MOXD1: variants seen among roughly 807,000 people sequenced by gnomAD.
MOXD1 encodes the protein monooxygenase DBH like 1.
In MOXD1, 62 loss-of-function variants were observed where a neutral mutation model predicts 66.6. The observed-to-expected ratio is 0.93, with a 90% CI of 0.76 to 1.15. The LOEUF is 1.15. Among genes scored for constraint, MOXD1 ranks in the 50% most tolerant of loss-of-function variants. The probability of loss-of-function intolerance (pLI) is 0.00; values close to 1 mark genes in which losing one functional copy is unlikely to be tolerated. For synonymous variants in MOXD1, 303 were observed against 281.9 expected (o/e 1.07, Z -0.75); for missense variants, 847 against 754.6 (o/e 1.12, Z -1.44).
chr6:132,375,771 G>T (rs990767612), intron 1 of MOXD1, among the ~76,000 whole-genome samples: 2 of 152,268 alleles, frequency 1.3e-5, no homozygotes, highest in Non-Finnish European at 2.9e-5. Flanking sequence ...GAGAACATGG[G>T]CTTTGGAAGA....
In MOXD1 at chr6:132,341,712, G is replaced by A. The variant is rs543130016; in HGVS notation, c.664-13118C>T. ...CATTCTTACACTTACGATTTCATTC[G>A]TGCTGTTTTCCCCATCCAATAAGTC... On this transcript the variant is annotated intron_variant, in intron 4 of 11. Transcript: ENST00000367963. Among the ~76,000 whole-genome samples the A allele has an allele frequency of 2.5e-3, 377 of 152,224 alleles. 2 individuals are homozygous for A. The highest frequency in any genetic ancestry group is 0.01 in the Middle Eastern group (3 of 294).
intron 7 of MOXD1, among the ~76,000 whole-genome samples, chr6:132,323,480 T>C (rs1216693635): frequency 1.3e-5 from 2 of 152,174 alleles, no homozygotes; most frequent in Non-Finnish European, 2.9e-5. Flanking sequence ...CATTACTAAA[T>C]ATACTTTTCT....
intron 1 of MOXD1, among the ~76,000 whole-genome samples, chr6:132,386,543 G>A (rs536302643): frequency 2.0e-5 from 3 of 151,140 alleles, no homozygotes; most frequent in African/African-American, 7.2e-5. Flanking sequence ...AACTTCTTGA[G>A]GCAGGTGAAA....
chr6:132,312,448 G>A (rs1376502340), intron 10 of MOXD1, among the ~76,000 whole-genome samples: 3 of 152,066 alleles, frequency 2.0e-5, no homozygotes, highest in Non-Finnish European at 4.4e-5. Context: ...CACCTTGTTA[G>A]TTTGGCCTTC....
chr6:132,385,849 A>C (rs543841916), intron 1 of MOXD1, among the ~76,000 whole-genome samples: 160 of 151,928 alleles, frequency 1.1e-3, no homozygotes, highest in Non-Finnish European at 1.3e-3. Context: ...ACGCCTGTAA[A>C]TCCCAGCCCT....
intron 4 of MOXD1, among the ~76,000 whole-genome samples, chr6:132,364,152 C>T (rs996699528): frequency 6.6e-6 from 1 of 152,016 alleles, no homozygotes; most frequent in Non-Finnish European, 1.5e-5. Flanking sequence ...AGATTATTTC[C>T]CAGAGGATAG....
At chr6:132,350,982 T>C (rs1352644023) in intron 4 of MOXD1, among the ~76,000 whole-genome samples, 2 of 152,174 alleles carry the variant, frequency 1.3e-5, no homozygotes, top group African/African-American at 2.4e-5. Context: ...CTGATTTCTA[T>C]ACCTTAATAT....
intron 4 of MOXD1, among the ~76,000 whole-genome samples, chr6:132,337,835 C>T (rs1444227573): frequency 2.6e-5 from 4 of 152,140 alleles, no homozygotes; most frequent in African/African-American, 7.2e-5. Flanking sequence ...ATATTCAATA[C>T]AGCAGAGATC....
At chr6:132,379,228 G>T (rs910927382) in intron 1 of MOXD1, among the ~76,000 whole-genome samples, 3 of 151,766 alleles carry the variant, frequency 2.0e-5, no homozygotes, top group African/African-American at 7.3e-5. Flanking sequence ...CAATCAATAT[G>T]ATTTAGCACA....
In MOXD1 at chr6:132,401,345, G is replaced by A. The variant is rs1180799691; in HGVS notation, c.82C>T (p.Arg28Trp). The change falls in exon 1 of 12, where the codon CGG (arginine) becomes TGG (tryptophan). Residue 28 changes from arginine (R) to tryptophan (W), a missense_variant. Coordinates refer to ENST00000367963, the MANE Select transcript of MOXD1 (RefSeq NM_015529.4). ...AGGSGRTYPH[R>W]TLLDSEGKYW... ...TTGCCCTCCGAGTCCAGGAGGGTCC[G>A]GTGCGGATAGGTTCGGCCCGAGCCC... 6.3e-7 allele frequency: 1 copy of A among 1,575,062 alleles called. No homozygotes were observed. Among genetic ancestry groups the A allele is most frequent in the Non-Finnish European group, 8.6e-7 (1 of 1,166,076 alleles).
intron 7 of MOXD1, among the ~76,000 whole-genome samples, chr6:132,323,267 A>G (rs1376511714): frequency 2.6e-5 from 4 of 152,206 alleles, no homozygotes; most frequent in African/African-American, 9.6e-5. Flanking sequence ...CAATGGAATT[A>G]AATGAATCGC....
chr6:132,328,161 G>C (rs745458279), intron 5 of MOXD1, 46 bp from the exon 6 acceptor site: 1 of 1,525,318 alleles, frequency 6.6e-7, no homozygotes, highest in East Asian at 2.3e-5. Flanking sequence ...GAAAGTCCCT[G>C]AGAGCTCTAT....
At chr6:132,384,256 TC>T (rs1562299148) in intron 1 of MOXD1, among the ~76,000 whole-genome samples, 1 of 85,226 alleles carries the variant, frequency 1.2e-5, no homozygotes, top group African/African-American at 5.6e-5. Flanking sequence ...CTTCCTTCCT[TC>T]CTTCCTTCCT....
rs757599048 is a variant in MOXD1, at chr6:132,323,982, C to T, written c.1062G>A (p.Gly354=). 2.5e-6 allele frequency: 4 copies of T among 1,613,972 alleles called. No individual in the cohort carries two copies. The South Asian group carries it at 4.4e-5, about 18-fold the overall frequency. ...WVSLFHTIPP[G]MPEFQSEGHC... is the part of the protein sequence containing the mutation. ...GACCCTCAGACTGGAACTCAGGCAT[C>T]CCTGGAGGGATGGTATGGAAGAGGC... is the stretch of plus-strand genomic sequence containing the variant. The change falls in exon 7 of 12, where the codon GGG becomes GGA. Residue 354 remains glycine, a synonymous_variant. Coordinates refer to ENST00000367963, the MANE Select transcript of MOXD1 (RefSeq NM_015529.4).
At chr6:132,339,711 T>C (rs969970768) in intron 4 of MOXD1, among the ~76,000 whole-genome samples, 40 of 151,450 alleles carry the variant, frequency 2.6e-4, no homozygotes, top group African/African-American at 8.2e-4. Context: ...GACTTTTACA[T>C]GGTAGCTAAA....
intron 10 of MOXD1, among the ~76,000 whole-genome samples, chr6:132,299,540 G>T (rs878979174): frequency 3.3e-5 from 5 of 152,106 alleles, no homozygotes; most frequent in African/African-American, 1.2e-4. Context: ...AAAGGAAAAA[G>T]AAATCACAAG....
At position 132,386,356 on chromosome 6, in the gene MOXD1, C is replaced by T. The variant is rs549063595; in HGVS notation, c.265-11579G>A. ...GGCGGAGCTTGCAGTGAGCCGAGAT[C>T]GCGCCACTGCACTTCAGCCTGGGCG... On this transcript the variant is annotated intron_variant, in intron 1 of 11. Coordinates refer to ENST00000367963, the MANE Select transcript of MOXD1 (RefSeq NM_015529.4). Among the ~76,000 whole-genome samples the T allele has an allele frequency of 3.4e-5, 5 of 149,194 alleles. No homozygotes were observed. The South Asian group carries it at 1.1e-3, about 32-fold the overall frequency.
chr6:132,337,114 C>T (rs1775457344), intron 4 of MOXD1, among the ~76,000 whole-genome samples: 1 of 152,130 alleles, frequency 6.6e-6, no homozygotes, highest in Non-Finnish European at 1.5e-5. Context: ...GAAGCTGTTC[C>T]TGAAACCAGT....
intron 2 of MOXD1, among the ~76,000 whole-genome samples, chr6:132,373,643 G>A (rs1224016665): frequency 6.6e-6 from 1 of 152,114 alleles, no homozygotes; most frequent in Non-Finnish European, 1.5e-5. Context: ...AGATGAAATC[G>A]GTTTCCATTG....
Sources: gnomAD v4.1 joint callset for allele counts (sites outside exome capture counted in the v4.1 genomes callset) on GRCh38, gnomAD v4.1.1 for gene constraint, MANE v1.5 for transcripts, NCBI Gene and HGNC (gene_info 2026-07-23, HGNC 2026-07-21) for gene names.